DLC1: variants seen among roughly 807,000 people sequenced by gnomAD.
DLC1 encodes rho GTPase-activating protein 7.
Under a neutral mutation model 140.3 loss-of-function variants are expected in DLC1, and 54 were observed. The ratio of observed to expected loss-of-function variants is 0.38; its 90% CI spans 0.31 to 0.48. The LOEUF is 0.48. DLC1 is among the 20% of genes least tolerant of loss of function. The pLI is 0.96. For synonymous variants in DLC1, 986 were observed against 728.1 expected, an observed-to-expected ratio of 1.35 and a Z score of -5.70; for missense variants, 2,536 against 1,907.0, an observed-to-expected ratio of 1.33 and a Z score of -6.14.
At position 13,100,360 on chromosome 8, in the gene DLC1, A is replaced by G; in HGVS notation, c.1977T>C (p.Thr659=). The G allele has an allele frequency of 6.2e-7, 1 of 1,614,172 alleles. No individual in the cohort carries two copies. ...GCAGACTGCGCGTCTTGGACTTGGC[A>G]GTTTTTTCGTGGCCTTTCATGCTGA... is the stretch of plus-strand genomic sequence containing the variant. ...FSFSMKGHEK[T]AKSKTRSLLK... The change falls in exon 9 of 18, where the codon ACT becomes ACC. Residue 659 remains threonine, a synonymous_variant. Coordinates refer to ENST00000276297, the MANE Select transcript of DLC1 (RefSeq NM_182643.3).
intron 5 of DLC1, among the ~76,000 whole-genome samples, chr8:13,289,255 G>A (rs73560570): frequency 0.12 from 17,921 of 151,982 alleles, 1,172 homozygotes; most frequent in South Asian, 0.16. Context: ...AGGCTGGCAT[G>A]CAGTGGTGTG....
chr8:13,561,662 C>G (rs142119828), intron 1 of DLC1, among the ~76,000 whole-genome samples: 1 of 151,902 alleles, frequency 6.6e-6, no homozygotes, highest in Admixed American at 6.6e-5. Flanking sequence ...ATCTACCTAC[C>G]AGAGCTTTGC....
intron 2 of DLC1, among the ~76,000 whole-genome samples, chr8:13,476,247 T>C (rs752562023): frequency 6.6e-6 from 1 of 152,220 alleles, no homozygotes; most frequent in Admixed American, 6.5e-5. Flanking sequence ...CATCCAATGA[T>C]AATAGCCTTG....
chr8:13,318,453 G>A (rs1671402), intron 4 of DLC1, among the ~76,000 whole-genome samples: 6,251 of 152,240 alleles, frequency 0.041, 425 homozygotes, highest in African/African-American at 0.14. Flanking sequence ...CCATTAGTAA[G>A]TGTCCATGTC....
At chr8:13,445,643 T>C (rs1299631344) in intron 2 of DLC1, among the ~76,000 whole-genome samples, 2 of 152,182 alleles carry the variant, frequency 1.3e-5, no homozygotes, top group Non-Finnish European at 2.9e-5. Flanking sequence ...GACAGACCAG[T>C]GACTATAGAC....
At chr8:13,095,052 CCT>C (rs756419063) in intron 11 of DLC1, 32 bp downstream of exon 11, 2 of 1,613,598 alleles carry the variant, frequency 1.2e-6, no homozygotes, top group Non-Finnish European at 1.7e-6. Context: ...TCCGAGCTCC[CCT>C]GAGTACGTGG....
chr8:13,174,536 T>C (rs1825661139), intron 5 of DLC1, among the ~76,000 whole-genome samples: 1 of 152,198 alleles, frequency 6.6e-6, no homozygotes, highest in South Asian at 2.1e-4. Flanking sequence ...TGTTATCTTT[T>C]TGACTTTTTA....
intron 2 of DLC1, among the ~76,000 whole-genome samples, chr8:13,405,992 CTT>C (rs1837534997): frequency 1.6e-5 from 2 of 123,844 alleles, no homozygotes; most frequent in African/African-American, 6.1e-5. Flanking sequence ...CTCTCTCTCT[CTT>C]TCTTTATTCT....
At chr8:13,597,134 G>T (rs1425934289) in intron 1 of DLC1, among the ~76,000 whole-genome samples, 1 of 151,902 alleles carries the variant, frequency 6.6e-6, no homozygotes, top group African/African-American at 2.4e-5. Flanking sequence ...TATTACGTTT[G>T]CAGTTTAGGA....
At chr8:13,599,783 G>A (rs35380952) in intron 1 of DLC1, among the ~76,000 whole-genome samples, 39,132 of 151,516 alleles carry the variant, frequency 0.26, 5,972 homozygotes, top group Non-Finnish European at 0.35. Context: ...TTCTCAATAG[G>A]GAAATGCAAA....
At chr8:13,228,154 A>C (rs555926952) in intron 5 of DLC1, among the ~76,000 whole-genome samples, 57 of 152,310 alleles carry the variant, frequency 3.7e-4, no homozygotes, top group African/African-American at 1.3e-3. Flanking sequence ...TGATGGCTTT[A>C]CTAACTAAGC....
At chr8:13,543,544 C>G (rs767818404) in intron 1 of DLC1, among the ~76,000 whole-genome samples, 1 of 151,980 alleles carries the variant, frequency 6.6e-6, no homozygotes, top group Non-Finnish European at 1.5e-5. Context: ...AGATATGGAA[C>G]CAACCTAAGT....
At chr8:13,415,526 A>G (rs770292994) in intron 2 of DLC1, among the ~76,000 whole-genome samples, 1 of 151,464 alleles carries the variant, frequency 6.6e-6, no homozygotes, top group Non-Finnish European at 1.5e-5. Context: ...CAGCCTACCT[A>G]GTAGCAGGGA....
intron 4 of DLC1, among the ~76,000 whole-genome samples, chr8:13,329,247 G>C (rs889241266): frequency 9.9e-5 from 15 of 152,060 alleles, no homozygotes; most frequent in Non-Finnish European, 1.5e-5. Flanking sequence ...ATTACTTTCT[G>C]GATTTATGAC....
At chr8:13,173,866 C>T (rs900463976) in intron 5 of DLC1, among the ~76,000 whole-genome samples, 1 of 152,060 alleles carries the variant, frequency 6.6e-6, no homozygotes. Flanking sequence ...TTTTAAATCT[C>T]ATATTTTATT....
At chr8:13,423,358 T>C (rs1272986882) in intron 2 of DLC1, among the ~76,000 whole-genome samples, 1 of 152,184 alleles carries the variant, frequency 6.6e-6, no homozygotes, top group Non-Finnish European at 1.5e-5. Context: ...ACTGGCATAG[T>C]ATCGCCCTTA....
At chr8:13,496,786 C>CTTTTT (rs869192950) in intron 2 of DLC1, among the ~76,000 whole-genome samples, 1 of 23,486 alleles carries the variant, frequency 4.3e-5, no homozygotes, top group African/African-American at 1.2e-4. Context: ...AGACCATTTC[C>CTTTTT]TTTTTTTTTT....
At chr8:13,276,115 G>T (rs1287849867) in intron 5 of DLC1, 4 of 1,206,802 alleles carry the variant, frequency 3.3e-6, no homozygotes, top group Non-Finnish European at 4.4e-6. Context: ...GAGAAAGGGA[G>T]ACCGAACACA....
intron 2 of DLC1, among the ~76,000 whole-genome samples, chr8:13,489,357 T>G (rs1156349399): frequency 1.7e-5 from 2 of 119,054 alleles, no homozygotes; most frequent in Non-Finnish European, 3.3e-5. Context: ...CCCGAGATTT[T>G]TCTAAGAAAC....
Sources: gnomAD v4.1 joint callset for allele counts (sites outside exome capture counted in the v4.1 genomes callset) on GRCh38, gnomAD v4.1.1 for gene constraint, MANE v1.5 for transcripts, NCBI Gene and HGNC (gene_info 2026-07-23, HGNC 2026-07-21) for gene names.